Variants in MZT2A observed in about 807,000 individuals in gnomAD.
The protein encoded by MZT2A is mitotic spindle organizing protein 2A.
A neutral mutation model predicts 12.4 loss-of-function variants in MZT2A; 8 were observed. The observed-to-expected ratio is 0.64, with a 90% CI of 0.38 to 1.16. The LOEUF (loss-of-function observed/expected upper bound fraction) is 1.16, where lower values mean the gene tolerates loss of function less well. MZT2A is among the 50% of genes most tolerant of loss of function. The pLI, the probability that MZT2A is intolerant of heterozygous loss-of-function variation, is 0.01. For missense variants in MZT2A, 181 were observed against 223.6 expected (o/e 0.81, Z 1.22); for synonymous variants, 88 against 107.5 (o/e 0.82, Z 1.12).
At position 131,478,119 on chromosome 2, in the gene MZT2A, G is replaced by C. The variant is rs761559557; in HGVS notation, c.279-5937C>G. 5.0e-6 allele frequency: 8 copies of C among 1,589,536 alleles called. No homozygotes were observed. The East Asian group carries it at 1.3e-4, about 27-fold the overall frequency. ...TATTTTGCATGCCATATAGTTTCAA[G>C]TTGCCTTGAAATGAATGGGTTCACT... On this transcript the variant is annotated intron_variant and NMD_transcript_variant, in intron 2 of 4. Coordinates refer to the MZT2A transcript ENST00000427024.
intron 2 of MZT2A, 97 bp from the exon 3 acceptor site, chr2:131,484,315 C>T (rs1207231464): frequency 6.5e-7 from 1 of 1,537,496 alleles, no homozygotes; most frequent in East Asian, 2.3e-5. Flanking sequence ...TGTGTCTACA[C>T]ATTTCCATCA....
chr2:131,492,167 G>A (rs1194737425), intron 1 of MZT2A, 40 bp downstream of exon 1: 1 of 1,536,308 alleles, frequency 6.5e-7, no homozygotes, highest in Non-Finnish European at 8.8e-7. Context: ...AGAGGTCGGG[G>A]GTGTCTGGCG....
At chr2:131,486,683 T>A (rs1679065519) in intron 2 of MZT2A, 2 of 151,680 alleles carry the variant, frequency 1.3e-5, no homozygotes, top group Non-Finnish European at 2.9e-5. Context: ...TAGAGCACAG[T>A]GATGCAATCA....
downstream of MZT2A, chr2:131,480,701 G>C (rs139972983): frequency 6.2e-7 from 1 of 1,613,332 alleles, no homozygotes. Context: ...CCACCATCAA[G>C]ACCAAGCGCA....
chr2:131,476,389 C>A (rs1157610602), intron 2 of MZT2A, among the ~76,000 whole-genome samples: 1 of 152,182 alleles, frequency 6.6e-6, no homozygotes, highest in Admixed American at 6.5e-5. Flanking sequence ...GGGACGGCGG[C>A]TTTTGTTTTA....
Position 131,492,221 on chromosome 2 carries a change from G to T in MZT2A, c.156C>A (p.Asp52Glu), listed in dbSNP as rs376463940. 39 of 1,581,618 alleles carry T rather than the reference G, an allele frequency of 2.5e-5. No individual in the cohort carries two copies. Among genetic ancestry groups the T allele is most frequent in the Non-Finnish European group, 3.2e-5 (38 of 1,169,258 alleles). Residue 52 changes from aspartate to glutamate, a missense_variant, in exon 1 of 3, where the codon GAC (aspartate) becomes GAA (glutamate). Transcript: ENST00000309451. ...ELAQAAGGGI[D>E]PDVFKILVDL... The stretch of plus-strand genomic sequence containing the variant: ...GCCCCGCTCACTTGAACACGTCGGG[G>T]TCGATACCGCCGCCCGCCGCCTGAG...
At chr2:131,480,156 G>C, downstream of MZT2A, 1 of 1,613,864 alleles carries the variant, frequency 6.2e-7, no homozygotes, top group Non-Finnish European at 8.5e-7. Flanking sequence ...TCTGCTCATG[G>C]AGCGGCTCTC....
chr2:131,480,230 A>G, downstream of MZT2A: 2 of 1,613,980 alleles, frequency 1.2e-6, no homozygotes, highest in Non-Finnish European at 1.7e-6. Context: ...AGGTCTCCAC[A>G]GCCGTGGTGG....
chr2:131,480,642 A>T (rs192337228), downstream of MZT2A: 272 of 1,613,806 alleles, frequency 1.7e-4, 2 homozygotes, highest in East Asian at 4.6e-3. Context: ...GGCCTGCTGC[A>T]TGTTGTACAG....
At chr2:131,485,940 C>T (rs1350028076) in intron 2 of MZT2A, among the ~76,000 whole-genome samples, 1 of 151,896 alleles carries the variant, frequency 6.6e-6, no homozygotes, top group Non-Finnish European at 1.5e-5. Context: ...AAATTCTCCC[C>T]ATACCCTGCA....
rs188744319 is a variant in MZT2A, at chr2:131,487,666, G to A, written c.320-3448C>T. Among the ~76,000 whole-genome samples the A allele has an allele frequency of 1.5e-3, 224 of 152,296 alleles. 1 individual carries two copies. Among genetic ancestry groups the A allele is most frequent in the African/African-American group, 4.9e-3 (203 of 41,542 alleles). ...GGGTGGGGTCTTGCTATGTTGCCCA[G>A]GCTGGTCTCAAACTCCGAGCTTCAA... is the stretch of plus-strand genomic sequence containing the variant. On this transcript the variant is annotated intron_variant, in intron 2 of 2. Coordinates refer to ENST00000309451, the MANE Select transcript of MZT2A (RefSeq NM_001085365.2).
intron 2 of MZT2A, chr2:131,472,289 G>A: frequency 1.0e-6 from 1 of 1,003,804 alleles, no homozygotes; most frequent in Non-Finnish European, 1.3e-6. Context: ...TAATTCACAG[G>A]ACTCTTTTTA....
upstream of MZT2A, chr2:131,493,027 T>A (rs539529651): frequency 8.6e-4 from 1,286 of 1,487,480 alleles, 20 homozygotes; most frequent in South Asian, 0.015. Context: ...TAGAAGCGCT[T>A]TTCCCGCCCG....
chr2:131,472,661 A>G (rs1380291035), intron 2 of MZT2A, among the ~76,000 whole-genome samples: 1 of 152,244 alleles, frequency 6.6e-6, no homozygotes, highest in East Asian at 1.9e-4. Flanking sequence ...ACAGGTCTGT[A>G]GCCAAGGGGC....
At chr2:131,476,297 G>A in intron 2 of MZT2A, 2 of 1,597,666 alleles carry the variant, frequency 1.3e-6, no homozygotes, top group Non-Finnish European at 1.7e-6. Flanking sequence ...TGGGCGCTGA[G>A]AGGAGGCCAG....
Position 131,483,989 on chromosome 2 carries a change from T to C in MZT2A, c.*72A>G. The stretch of plus-strand genomic sequence containing the variant: ...CTGGACCCTCTGCATCTCAGAAAGG[T>C]TTATTATCAACTGAAGGAGGTAACA... On this transcript the variant is annotated 3_prime_UTR_variant, in exon 3 of 3. Coordinates refer to ENST00000309451, the MANE Select transcript of MZT2A (RefSeq NM_001085365.2). 3.9e-6 allele frequency: 6 copies of C among 1,526,368 alleles called. No individual in the cohort carries two copies. The highest frequency in any genetic ancestry group is 5.3e-6 in the Non-Finnish European group (6 of 1,135,772). The allele number at this position is 1,526,368 out of a possible 1,614,324, so 94.6% of individuals were successfully genotyped here.
chr2:131,474,579 T>G lies in MZT2A; in HGVS notation c.279-2397A>C, dbSNP rs931549706. 1.6e-4 allele frequency among the ~76,000 whole-genome samples: 25 copies of G among 151,612 alleles called. 1 individual carries two copies. The highest frequency in any genetic ancestry group is 5.6e-4 in the African/African-American group (23 of 41,282). On this transcript the variant is annotated intron_variant and NMD_transcript_variant, in intron 2 of 4. Transcript: ENST00000427024. ...TGCTCACCACCATGCCTGGCTAATT[T>G]TTGTATTTTTAGTAGAGGAAGGGTT...
chr2:131,471,963 A>G, intron 3 of MZT2A: 1 of 1,069,896 alleles, frequency 9.3e-7, no homozygotes, highest in South Asian at 1.6e-5. Context: ...GGGACAGTCC[A>G]TGAGCAGGAG....
At chr2:131,479,784 G>T (rs183926391), downstream of MZT2A, among the ~76,000 whole-genome samples, 34 of 152,146 alleles carry the variant, frequency 2.2e-4, no homozygotes, top group Non-Finnish European at 2.6e-4. Context: ...AGGTTGCAAT[G>T]AGCTGAGATT....
Sources: gnomAD v4.1 joint callset for allele counts (sites outside exome capture counted in the v4.1 genomes callset) on GRCh38, gnomAD v4.1.1 for gene constraint, MANE v1.5 for transcripts, NCBI Gene and HGNC (gene_info 2026-07-23, HGNC 2026-07-21) for gene names.